Variants in RXFP1 observed in about 807,000 individuals in gnomAD.
The protein encoded by RXFP1 is relaxin family peptide receptor 1, also known as relaxin receptor 1.
A neutral mutation model predicts 89.8 loss-of-function variants in RXFP1; 73 were observed. The ratio of observed to expected loss-of-function variants is 0.81; its 90% CI spans 0.67 to 0.99. RXFP1 has a LOEUF of 0.99. Among genes scored for constraint, RXFP1 ranks in the 50% least tolerant of loss-of-function variants. RXFP1 has a pLI of 0.00. For synonymous variants in RXFP1, 277 were observed against 305.5 expected (o/e 0.91, Z 0.97); for missense variants, 793 against 895.5 (o/e 0.89, Z 1.46).
intron 12 of RXFP1, among the ~76,000 whole-genome samples, chr4:158,636,440 C>G (rs1422867248): frequency 6.6e-6 from 1 of 152,178 alleles, no homozygotes; most frequent in African/African-American, 2.4e-5. Context: ...TACCACTTCT[C>G]TGGTGGCAGC....
rs371923055 is a variant in RXFP1 at position 158,646,999 on chromosome 4, T to C, written c.1554T>C (p.Phe518=). The stretch of plus-strand genomic sequence containing the variant: ...AATACATCTGCATTGTCTATCCTTT[T>C]AGATGTGTGAGACCTGGAAAATGCA... ...LEKYICIVYP[F]RCVRPGKCRT... is the part of the protein sequence containing the mutation. The change falls in exon 16 of 18, where the codon TTT becomes TTC. Residue 518 remains phenylalanine (F), a synonymous_variant. Coordinates refer to ENST00000307765, the MANE Select transcript of RXFP1 (RefSeq NM_021634.4). 2.9e-5 allele frequency: 46 copies of C among 1,613,978 alleles called. No homozygotes were observed. The highest frequency in any genetic ancestry group is 3.3e-4 in the Middle Eastern group (2 of 6,084).
In RXFP1 at chr4:158,544,839, A is replaced by G. The variant is rs1167667000; in HGVS notation, c.49+22814A>G. Among the ~76,000 whole-genome samples the G allele has an allele frequency of 3.3e-5, 5 of 152,178 alleles. No individual in the cohort carries two copies. The East Asian group carries it at 7.7e-4, about 24-fold the overall frequency. ...ATATGTGCCACATTTTCTTAATCCA[A>G]TCTATCATTGATGGACATTTGGGTT... On this transcript the variant is annotated intron_variant, in intron 1 of 17. Transcript: ENST00000307765.
At chr4:158,580,302 G>T (rs1484892456) in intron 2 of RXFP1, among the ~76,000 whole-genome samples, 1 of 152,154 alleles carries the variant, frequency 6.6e-6, no homozygotes, top group African/African-American at 2.4e-5. Context: ...TCAAAGGCAT[G>T]CTCTGAGCAC....
intron 1 of RXFP1, among the ~76,000 whole-genome samples, chr4:158,542,109 A>ATATATATATATATTTTTTTTTTTT: frequency 5.7e-5 from 2 of 35,226 alleles, no homozygotes; most frequent in African/African-American, 1.9e-4. Context: ...ATATATATAT[A>ATATATATATATATTTTTTTTTTTT]TTTTTTTTTT....
intron 2 of RXFP1, 98 bp from the exon 3 acceptor site, chr4:158,593,302 GA>G (rs36045439): frequency 0.18 from 100,863 of 551,822 alleles, 18,683 homozygotes; most frequent in African/African-American, 0.73. Flanking sequence ...TACATTTGGA[GA>G]AACCACTGGA....
intron 1 of RXFP1, among the ~76,000 whole-genome samples, chr4:158,570,203 A>G (rs2149988199): frequency 6.6e-6 from 1 of 152,328 alleles, no homozygotes; most frequent in South Asian, 2.1e-4. Context: ...AGGAATTCCA[A>G]CAAGGCTGGA....
At chr4:158,637,722 G>A (rs563987139) in intron 12 of RXFP1, among the ~76,000 whole-genome samples, 12 of 152,220 alleles carry the variant, frequency 7.9e-5, no homozygotes, top group Middle Eastern at 3.4e-3. Context: ...TAGCTGTGCA[G>A]AGGCTTTTTA....
rs756016471 is a variant in RXFP1, at chr4:158,628,736, A to G, written c.899+27A>G. 4 of 1,295,742 alleles carry G rather than the reference A, an allele frequency of 3.1e-6. No homozygotes were observed. In the African/African-American group the frequency reaches 6.0e-5, roughly 19 times the overall value. 80.3% of individuals were successfully genotyped at this position (1,295,742 alleles called of 1,614,324 possible). Reference sequence around the variant, plus strand: ...TAAGTATGACTGAACATATACTGATAAGAATTTTCTTTCTACTGTTTTTTC... The same window carrying G: ...TAAGTATGACTGAACATATACTGATGAGAATTTTCTTTCTACTGTTTTTTC... On this transcript the variant is annotated intron_variant, in intron 11 of 17. Transcript: ENST00000307765.
At chr4:158,537,891 G>A (rs1385276816) in intron 1 of RXFP1, among the ~76,000 whole-genome samples, 1 of 152,198 alleles carries the variant, frequency 6.6e-6, no homozygotes, top group Non-Finnish European at 1.5e-5. Context: ...GATAGATAGA[G>A]GGATCCCAAG....
Position 158,644,900 on chromosome 4 carries a change from G to A in RXFP1, c.1116-9G>A, listed in dbSNP as rs752185458. On this transcript the variant is annotated splice_polypyrimidine_tract_variant and intron_variant, in intron 14 of 17. Coordinates refer to ENST00000307765, the MANE Select transcript of RXFP1 (RefSeq NM_021634.4). ...GAAAATCTTATTTTACTTTCTCTTT[G>A]TACACCAGATATTTTAAGAAATTCC... The A allele has an allele frequency of 5.3e-5, 84 of 1,582,564 alleles. No homozygotes were observed. Among genetic ancestry groups the A allele is most frequent in the Non-Finnish European group, 6.9e-5 (80 of 1,152,650 alleles).
At chr4:158,583,219 A>G (rs751606653) in intron 2 of RXFP1, among the ~76,000 whole-genome samples, 4 of 152,218 alleles carry the variant, frequency 2.6e-5, no homozygotes, top group Non-Finnish European at 5.9e-5. Flanking sequence ...AGATTACAAG[A>G]ATGTTTGAAG....
At chr4:158,624,232 G>C (rs1766250680) in intron 9 of RXFP1, among the ~76,000 whole-genome samples, 1 of 152,164 alleles carries the variant, frequency 6.6e-6, no homozygotes, top group Non-Finnish European at 1.5e-5. Flanking sequence ...ACTAGAAAGA[G>C]ACCAGGTGCA....
intron 1 of RXFP1, among the ~76,000 whole-genome samples, chr4:158,531,754 A>T (rs901916100): frequency 2.6e-5 from 4 of 152,218 alleles, no homozygotes; most frequent in Admixed American, 2.6e-4. Context: ...CAGAAACCTC[A>T]TATGTGTAAA....
At chr4:158,604,983 TA>T in intron 4 of RXFP1, 84 bp from the exon 5 acceptor site, 1 of 701,780 alleles carries the variant, frequency 1.4e-6, no homozygotes, top group South Asian at 2.0e-5. Context: ...AGTACTAAAG[TA>T]AATAGTTTGT....
intron 15 of RXFP1, among the ~76,000 whole-genome samples, chr4:158,645,665 T>A (rs996474461): frequency 6.6e-6 from 1 of 152,092 alleles, no homozygotes; most frequent in Non-Finnish European, 1.5e-5. Context: ...AATGGCAAGG[T>A]GTTATGTTAA....
intron 1 of RXFP1, among the ~76,000 whole-genome samples, chr4:158,567,998 C>T (rs114767568): frequency 5.3e-5 from 8 of 152,322 alleles, no homozygotes; most frequent in Non-Finnish European, 1.0e-4. Context: ...ACACTCACCT[C>T]TAAGGTATAA....
chr4:158,615,788 A>AG (rs1307119739), intron 8 of RXFP1, among the ~76,000 whole-genome samples: 1 of 152,010 alleles, frequency 6.6e-6, no homozygotes, highest in Admixed American at 6.5e-5. Context: ...TACCAAAAAA[A>AG]AAAATTGTTT....
chr4:158,614,777 G>T (rs1178864080), intron 8 of RXFP1, among the ~76,000 whole-genome samples: 2 of 152,168 alleles, frequency 1.3e-5, no homozygotes, highest in African/African-American at 4.8e-5. Flanking sequence ...ATTGTCCTTA[G>T]CATTCACAAT....
At chr4:158,551,679 G>T (rs1750162607) in intron 1 of RXFP1, among the ~76,000 whole-genome samples, 1 of 152,314 alleles carries the variant, frequency 6.6e-6, no homozygotes, top group Admixed American at 6.5e-5. Context: ...TGTGGCTCAT[G>T]CCTGTAATCC....
Sources: allele counts gnomAD v4.1 joint callset (sites outside exome capture counted in the v4.1 genomes callset), GRCh38; gene constraint gnomAD v4.1.1; transcripts MANE v1.5; gene names NCBI Gene and HGNC (gene_info 2026-07-23, HGNC 2026-07-21).